PRKCB: variants seen among roughly 807,000 people sequenced by gnomAD.
PRKCB encodes protein kinase C beta type.
In PRKCB, 13 loss-of-function variants were observed where a neutral mutation model predicts 81.5. That is an observed-to-expected ratio of 0.16 (90% confidence interval 0.10 to 0.25). The LOEUF is 0.25. PRKCB is among the 10% of genes least tolerant of loss of function. PRKCB has a pLI of 1.00. For synonymous variants in PRKCB, 335 were observed against 321.4 expected (o/e 1.04, Z -0.45); for missense variants, 509 against 875.7 (o/e 0.58, Z 5.29).
Position 23,851,185 on chromosome 16 carries a change from C to T in PRKCB, c.205+13779C>T, listed in dbSNP as rs191257267. Among the ~76,000 whole-genome samples, 22 of 152,110 alleles carry T rather than the reference C, an allele frequency of 1.4e-4. No individual in the cohort carries two copies. In the East Asian group the frequency reaches 3.9e-3, roughly 27 times the overall value. On this transcript the variant is annotated intron_variant, in intron 2 of 16. Coordinates refer to ENST00000643927, the MANE Select transcript of PRKCB (RefSeq NM_002738.7). ...CCAAACCAATGTTGTGGAGTTTTTCCCTTATGTTTTTCTCTAGCAGTTTTA... is the reference window on the plus strand; with the variant it reads ...CCAAACCAATGTTGTGGAGTTTTTCTCTTATGTTTTTCTCTAGCAGTTTTA...
intron 16 of PRKCB, among the ~76,000 whole-genome samples, chr16:24,210,294 A>T (rs1968119693): frequency 6.6e-6 from 1 of 152,048 alleles, no homozygotes; most frequent in East Asian, 1.9e-4. Context: ...CTCTGGCCAT[A>T]CCATACTGAC....
chr16:23,881,703 AC>A (rs1963110704), intron 2 of PRKCB, among the ~76,000 whole-genome samples: 1 of 152,256 alleles, frequency 6.6e-6, no homozygotes, highest in Non-Finnish European at 1.5e-5. Flanking sequence ...CATAAAATTT[AC>A]CATCTTAACT....
At chr16:23,965,103 C>T (rs1964470418) in intron 2 of PRKCB, among the ~76,000 whole-genome samples, 1 of 152,190 alleles carries the variant, frequency 6.6e-6, no homozygotes, top group African/African-American at 2.4e-5. Context: ...GATTTCATCA[C>T]CCAGGTAGTG....
intron 3 of PRKCB, among the ~76,000 whole-genome samples, chr16:24,014,431 A>T (rs1041782615): frequency 1.3e-5 from 2 of 152,144 alleles, no homozygotes; most frequent in Non-Finnish European, 2.9e-5. Context: ...GGTGGGGCTC[A>T]CTCTGTGAAC....
At chr16:24,025,208 G>A in intron 3 of PRKCB, among the ~76,000 whole-genome samples, 1 of 152,214 alleles carries the variant, frequency 6.6e-6, no homozygotes, top group East Asian at 1.9e-4. Context: ...TGTTTATGGT[G>A]CAGGGGTTTG....
intron 5 of PRKCB, among the ~76,000 whole-genome samples, chr16:24,040,292 C>A (rs1223042522): frequency 1.3e-5 from 2 of 152,188 alleles, no homozygotes; most frequent in African/African-American, 4.8e-5. Flanking sequence ...TCTCCTCCCC[C>A]TTTCTTTTAA....
intron 2 of PRKCB, among the ~76,000 whole-genome samples, chr16:23,846,740 A>C (rs115581968): frequency 1.3e-4 from 20 of 151,214 alleles, no homozygotes; most frequent in African/African-American, 4.4e-4. Flanking sequence ...TGTACTGGCT[A>C]TTCCTCCTTG....
At chr16:23,981,250 C>T (rs890591700) in intron 2 of PRKCB, among the ~76,000 whole-genome samples, 16 of 152,090 alleles carry the variant, frequency 1.1e-4, no homozygotes, top group Non-Finnish European at 2.4e-4. Flanking sequence ...CATTCCTTGG[C>T]TTGCGTTCCC....
intron 3 of PRKCB, among the ~76,000 whole-genome samples, chr16:23,999,144 C>G (rs1303953385): frequency 6.6e-6 from 1 of 152,228 alleles, no homozygotes; most frequent in Non-Finnish European, 1.5e-5. Context: ...ACCTGCTTGC[C>G]CACCTGGCCA....
At chr16:24,160,625 C>T (rs1444977431) in intron 10 of PRKCB, among the ~76,000 whole-genome samples, 1 of 152,102 alleles carries the variant, frequency 6.6e-6, no homozygotes, top group East Asian at 1.9e-4. Context: ...CATTGCATCA[C>T]CATGATGAGG....
At chr16:23,924,566 T>C (rs1343994754) in intron 2 of PRKCB, among the ~76,000 whole-genome samples, 1 of 152,070 alleles carries the variant, frequency 6.6e-6, no homozygotes, top group East Asian at 1.9e-4. Flanking sequence ...ACACATATAT[T>C]AATTAATTTT....
chr16:23,866,567 A>G (rs912253177), intron 2 of PRKCB, among the ~76,000 whole-genome samples: 16 of 152,198 alleles, frequency 1.1e-4, no homozygotes, highest in Admixed American at 6.5e-5. Context: ...TCCCATGCAT[A>G]TGGCCACTTC....
chr16:24,185,088 A>G, intron 13 of PRKCB, 23 bp from the exon 14 acceptor site: 1 of 1,607,394 alleles, frequency 6.2e-7, no homozygotes, highest in Non-Finnish European at 8.5e-7. Flanking sequence ...AACCTCCCTG[A>G]TAGGGTGCCT....
chr16:23,857,993 G>A (rs1371934998), intron 2 of PRKCB, among the ~76,000 whole-genome samples: 1 of 152,130 alleles, frequency 6.6e-6, no homozygotes, highest in Non-Finnish European at 1.5e-5. Flanking sequence ...ACAGCACAAA[G>A]AATTGAGAAA....
intron 10 of PRKCB, among the ~76,000 whole-genome samples, chr16:24,158,698 G>T (rs1208716397): frequency 1.3e-5 from 2 of 151,726 alleles, no homozygotes; most frequent in Non-Finnish European, 2.9e-5. Flanking sequence ...TTGCTCTGTG[G>T]CCCAGGCTTG....
At chr16:24,053,219 G>A (rs1965863404) in intron 5 of PRKCB, among the ~76,000 whole-genome samples, 1 of 152,224 alleles carries the variant, frequency 6.6e-6, no homozygotes, top group East Asian at 1.9e-4. Flanking sequence ...TGCATGTCAG[G>A]CATTGACTTA....
intron 2 of PRKCB, among the ~76,000 whole-genome samples, chr16:23,975,352 G>C (rs1431811433): frequency 2.0e-5 from 3 of 152,124 alleles, no homozygotes; most frequent in Admixed American, 2.0e-4. Context: ...GTCACTCCTT[G>C]TCATGTCAAC....
At chr16:24,186,427 T>C (rs1967705255) in intron 15 of PRKCB, among the ~76,000 whole-genome samples, 1 of 152,204 alleles carries the variant, frequency 6.6e-6, no homozygotes, top group African/African-American at 2.4e-5. Flanking sequence ...ATTTTTCAAC[T>C]CTGATGGAAG....
At chr16:24,051,171 A>T (rs1298615730) in intron 5 of PRKCB, among the ~76,000 whole-genome samples, 1 of 152,218 alleles carries the variant, frequency 6.6e-6, no homozygotes, top group South Asian at 2.1e-4. Context: ...ACTCCATGAA[A>T]GGCCACACAG....
Sources: allele counts gnomAD v4.1 joint callset (sites outside exome capture counted in the v4.1 genomes callset), GRCh38; gene constraint gnomAD v4.1.1; transcripts MANE v1.5; gene names NCBI Gene and HGNC (gene_info 2026-07-23, HGNC 2026-07-21).